CDIP1: variants seen among roughly 807,000 people sequenced by gnomAD.
CDIP1 encodes the protein cell death inducing p53 target 1.
Under a neutral mutation model 17.7 loss-of-function variants are expected in CDIP1, and 9 were observed. The observed-to-expected ratio is 0.51, with a 90% CI of 0.31 to 0.89. The LOEUF (loss-of-function observed/expected upper bound fraction) is 0.89. Ranked by LOEUF, CDIP1 falls within the 40% of genes least tolerant of loss-of-function variation. CDIP1 has a pLI of 0.05. For synonymous variants in CDIP1, 117 were observed against 109.5 expected, an observed-to-expected ratio of 1.07 and a Z score of -0.43; for missense variants, 263 against 277.9, an observed-to-expected ratio of 0.95 and a Z score of 0.38.
chr16:4,510,876 G>A lies in CDIP1; in HGVS notation c.*1696C>T, dbSNP rs1224819771. 1 of 152,254 alleles carries A rather than the reference G, an allele frequency of 6.6e-6. No individual in the cohort carries two copies. Among genetic ancestry groups the A allele is most frequent in the East Asian group, 1.9e-4 (1 of 5,198 alleles). The allele number at this position is 152,254 out of a possible 1,614,324, so 9.4% of individuals were successfully genotyped here. ...GCCAGAGGTCGCCCAGAACCTGCGT[G>A]TGCAGACTGCGCTCTGTTAGTCTTC... is the stretch of plus-strand genomic sequence containing the variant. On this transcript the variant is annotated 3_prime_UTR_variant, in exon 6 of 6. Transcript: ENST00000567695.
At chr16:4,520,242 G>A (rs2058931507) in intron 1 of CDIP1, among the ~76,000 whole-genome samples, 1 of 152,066 alleles carries the variant, frequency 6.6e-6, no homozygotes, top group African/African-American at 2.4e-5. Flanking sequence ...CTCCTGAGGA[G>A]CTGGGACTAC....
chr16:4,516,224 T>A (rs756293110), intron 1 of CDIP1, among the ~76,000 whole-genome samples: 2 of 152,026 alleles, frequency 1.3e-5, no homozygotes, highest in African/African-American at 4.8e-5. Flanking sequence ...GGCAAACCCA[T>A]AGAAACGGAA....
intron 1 of CDIP1, among the ~76,000 whole-genome samples, chr16:4,515,621 A>G (rs927263138): frequency 3.9e-5 from 6 of 152,252 alleles, no homozygotes; most frequent in African/African-American, 7.2e-5. Context: ...GGATTTGAAC[A>G]AAGACTTCTC....
chr16:4,536,844 C>G (rs1360443992), intron 1 of CDIP1: 1 of 151,270 alleles, frequency 6.6e-6, no homozygotes, highest in Non-Finnish European at 1.5e-5. Flanking sequence ...TCAGGAGGAT[C>G]GCTGGAGACA....
chr16:4,529,657 C>T (rs906433924), intron 1 of CDIP1, among the ~76,000 whole-genome samples: 3 of 152,330 alleles, frequency 2.0e-5, no homozygotes, highest in African/African-American at 7.2e-5. Context: ...AAAGAACCAT[C>T]ATTTAAGTGC....
intron 1 of CDIP1, among the ~76,000 whole-genome samples, chr16:4,529,991 T>G (rs1180478572): frequency 6.6e-6 from 1 of 152,248 alleles, no homozygotes; most frequent in Non-Finnish European, 1.5e-5. Context: ...AGCAAACCTC[T>G]AGGCTTTCTT....
At chr16:4,534,778 G>A (rs925021998) in intron 1 of CDIP1, among the ~76,000 whole-genome samples, 1 of 151,198 alleles carries the variant, frequency 6.6e-6, no homozygotes, top group African/African-American at 2.4e-5. Flanking sequence ...GAGTGCAGTG[G>A]TACAATCTCG....
At chr16:4,520,688 G>A (rs114903537) in intron 1 of CDIP1, among the ~76,000 whole-genome samples, 268 of 152,132 alleles carry the variant, frequency 1.8e-3, no homozygotes, top group African/African-American at 5.2e-3. Context: ...TATTGTTAAC[G>A]CTAATCATCA....
Position 4,513,859 on chromosome 16 carries a change from G to C in CDIP1, c.86-8C>G. On this transcript the variant is annotated splice_region_variant and splice_polypyrimidine_tract_variant and intron_variant, in intron 3 of 5. Transcript: ENST00000567695. The surrounding 1 kb of genome is among the most constrained non-coding windows in gnomAD (Gnocchi z 4.1). ...CAGCTGGGGAGGAACGGCCTGGACA[G>C]AGAGAGGCAGAAAGAGGAGACTGAG... 6.4e-7 allele frequency: 1 copy of C among 1,553,686 alleles called. No individual in the cohort carries two copies. The highest frequency in any genetic ancestry group is 8.7e-7 in the Non-Finnish European group (1 of 1,152,192).
At chr16:4,521,480 G>T (rs74005347) in intron 1 of CDIP1, among the ~76,000 whole-genome samples, 1 of 151,982 alleles carries the variant, frequency 6.6e-6, no homozygotes, top group African/African-American at 2.4e-5. Context: ...CTCCTGGGGA[G>T]GCCCTGAGTT....
intron 1 of CDIP1, among the ~76,000 whole-genome samples, chr16:4,530,259 G>C (rs1379317195): frequency 6.6e-6 from 1 of 152,198 alleles, no homozygotes; most frequent in African/African-American, 2.4e-5. Flanking sequence ...AGTTAACTGA[G>C]TTTCTATCAC....
rs2058844896 is a variant in CDIP1, at chr16:4,512,759, GC to G, written c.515+31del. ...GAGGCAGCCAGTTGACCCTGGTGCAGCCCCCACCCTACCAGTGCCCACACCA... is the reference window on the plus strand; with the variant it reads ...GAGGCAGCCAGTTGACCCTGGTGCAGCCCCACCCTACCAGTGCCCACACCA... On this transcript the variant is annotated intron_variant, in intron 5 of 5. Coordinates refer to ENST00000567695, the MANE Select transcript of CDIP1 (RefSeq NM_013399.3). The surrounding 1 kb of genome is among the most constrained non-coding windows in gnomAD (Gnocchi z 4.6). 6.3e-7 allele frequency: 1 copy of G among 1,599,600 alleles called. No individual in the cohort carries two copies. The highest frequency in any genetic ancestry group is 8.5e-7 in the Non-Finnish European group (1 of 1,172,360).
intron 1 of CDIP1, among the ~76,000 whole-genome samples, chr16:4,521,700 TA>T (rs111828421): frequency 0.064 from 5,777 of 90,478 alleles, 219 homozygotes; most frequent in African/African-American, 0.11. Context: ...TCATCAATAT[TA>T]AAAAAAAAAA....
At chr16:4,534,295 A>G (rs1487240044) in intron 1 of CDIP1, among the ~76,000 whole-genome samples, 1 of 152,190 alleles carries the variant, frequency 6.6e-6, no homozygotes, top group Non-Finnish European at 1.5e-5. Flanking sequence ...CCAGGGTGAG[A>G]ACACAGCCGC....
At chr16:4,530,456 C>A (rs2059044027) in intron 1 of CDIP1, among the ~76,000 whole-genome samples, 1 of 151,752 alleles carries the variant, frequency 6.6e-6, no homozygotes, top group South Asian at 2.1e-4. Context: ...TCGAAACCAG[C>A]CCGACCAACA....
At chr16:4,526,952 T>C (rs1369664585) in intron 1 of CDIP1, among the ~76,000 whole-genome samples, 2 of 151,652 alleles carry the variant, frequency 1.3e-5, no homozygotes, top group Non-Finnish European at 1.5e-5. Flanking sequence ...TTTTCATCTG[T>C]GATATGGCGG....
chr16:4,538,605 T>A (rs1418458081), intron 1 of CDIP1, 97 bp downstream of exon 1: 1 of 152,142 alleles, frequency 6.6e-6, no homozygotes, highest in African/African-American at 2.4e-5. Context: ...CGGTCCGAGG[T>A]CACGCCCCGA....
chr16:4,522,912 C>T (rs1037549364), intron 1 of CDIP1, among the ~76,000 whole-genome samples: 7 of 152,218 alleles, frequency 4.6e-5, no homozygotes, highest in African/African-American at 1.2e-4. Context: ...AACACACAGA[C>T]GGATTAGTTC....
intron 1 of CDIP1, among the ~76,000 whole-genome samples, chr16:4,525,381 CAAG>C (rs1454700987): frequency 6.6e-6 from 1 of 152,104 alleles, no homozygotes; most frequent in Non-Finnish European, 1.5e-5. Context: ...AGCACTGGCT[CAAG>C]GAGGAGCTGA....
Sources: allele counts gnomAD v4.1 joint callset (sites outside exome capture counted in the v4.1 genomes callset), GRCh38; gene constraint gnomAD v4.1.1; non-coding constraint Gnocchi (gnomAD v3.1); transcripts MANE v1.5; gene names NCBI Gene and HGNC (gene_info 2026-07-23, HGNC 2026-07-21).